Variants in GNG2 observed in about 807,000 individuals in gnomAD.
The protein encoded by GNG2 is G protein subunit gamma 2.
GNG2 carries 5 observed loss-of-function variants against 5.5 expected under a neutral mutation model. That is an observed-to-expected ratio of 0.91 (90% CI 0.48 to 1.92). The LOEUF (loss-of-function observed/expected upper bound fraction) is 1.92, where lower values mean the gene tolerates loss of function less well. Among genes scored for constraint, GNG2 ranks in the 30% most tolerant of loss-of-function variants. GNG2 has a pLI of 0.01. For missense variants in GNG2, 55 were observed against 88.4 expected (o/e 0.62, Z 1.52); for synonymous variants, 28 against 32.0 (o/e 0.88, Z 0.42).
At chr14:51,877,913 T>C (rs1719364594) in intron 2 of GNG2, 3 of 283,436 alleles carry the variant, frequency 1.1e-5, no homozygotes, top group African/African-American at 6.8e-5. Context: ...CCTTTGAGGC[T>C]GCTGTCTTAA....
chr14:51,914,414 A>C lies in GNG2; in HGVS notation c.-29-36236A>C, dbSNP rs17124732. ...ATCTTCTTGAAGGATCCTTGTGCTA[A>C]GGTTCCCAAGGTGCGGGAGGGATTA... is the stretch of plus-strand genomic sequence containing the variant. On this transcript the variant is annotated intron_variant, in intron 2 of 3. Coordinates refer to ENST00000556766, the MANE Select transcript of GNG2 (RefSeq NM_053064.5). 8.6e-3 allele frequency: 5,309 copies of C among 617,890 alleles called. 249 individuals carry two copies. The African/African-American group carries it at 0.089, about 10-fold the overall frequency. The allele number at this position is 617,890 out of a possible 1,614,324, so 38.3% of individuals were successfully genotyped here. A position where few individuals can be genotyped will look rare whatever the true frequency, so the allele number is the denominator to read the frequency against.
intron 2 of GNG2, among the ~76,000 whole-genome samples, chr14:51,831,928 A>T (rs1881203898): frequency 6.6e-6 from 1 of 152,236 alleles, no homozygotes; most frequent in Non-Finnish European, 1.5e-5. Context: ...AAATTTAAAA[A>T]GAGAATTCCT....
At chr14:51,854,712 C>T (rs1442609853) in intron 2 of GNG2, among the ~76,000 whole-genome samples, 1 of 151,758 alleles carries the variant, frequency 6.6e-6, no homozygotes, top group African/African-American at 2.4e-5. Context: ...GGGGTTTTGC[C>T]ATGTTGGCCA....
At chr14:51,931,968 C>T (rs932225161) in intron 2 of GNG2, among the ~76,000 whole-genome samples, 9 of 151,878 alleles carry the variant, frequency 5.9e-5, no homozygotes, top group East Asian at 3.9e-4. Context: ...AAATGTGGGC[C>T]GGGCGCGGTG....
intron 2 of GNG2, among the ~76,000 whole-genome samples, chr14:51,946,731 C>G (rs959146730): frequency 4.6e-5 from 7 of 152,130 alleles, no homozygotes; most frequent in African/African-American, 1.7e-4. Flanking sequence ...TAGCTTCTGG[C>G]CTGTGGAGAT....
intron 2 of GNG2, chr14:51,916,546 C>T (rs918228942): frequency 4.4e-6 from 2 of 449,892 alleles, no homozygotes; most frequent in Admixed American, 2.4e-5. Context: ...TCCAATTAAA[C>T]TTCTCTCCTG....
chr14:51,872,232 C>T (rs1428953296), intron 1 of GNG2, among the ~76,000 whole-genome samples: 1 of 152,172 alleles, frequency 6.6e-6, no homozygotes, highest in Non-Finnish European at 1.5e-5. Context: ...CTGGTTTTCC[C>T]TTCAAACTCT....
intron 2 of GNG2, chr14:51,913,085 G>A (rs1175263086): frequency 6.6e-6 from 1 of 152,236 alleles, no homozygotes. Context: ...GAGAGACAGA[G>A]GGATGGGGAA....
intron 1 of GNG2, among the ~76,000 whole-genome samples, chr14:51,871,662 C>A (rs1360314564): frequency 6.6e-6 from 1 of 152,200 alleles, no homozygotes; most frequent in African/African-American, 2.4e-5. Context: ...ATTGTTATCA[C>A]AAATCTGCAG....
At chr14:51,881,564 T>TA (rs1362102809) in intron 2 of GNG2, among the ~76,000 whole-genome samples, 1 of 152,202 alleles carries the variant, frequency 6.6e-6, no homozygotes, top group Admixed American at 6.5e-5. Flanking sequence ...CCTCATCCCT[T>TA]ACATTTCTGT....
chr14:51,867,474 A>G (rs1475699227), intron 1 of GNG2, among the ~76,000 whole-genome samples: 1 of 152,200 alleles, frequency 6.6e-6, no homozygotes, highest in African/African-American at 2.4e-5. Context: ...TACCTCAGTT[A>G]TGACAATTCA....
intron 2 of GNG2, among the ~76,000 whole-genome samples, chr14:51,896,760 T>C (rs1448835612): frequency 2.0e-5 from 3 of 152,142 alleles, no homozygotes; most frequent in Non-Finnish European, 4.4e-5. Flanking sequence ...ATAAGAAAGA[T>C]AGATGGCCAA....
intron 2 of GNG2, among the ~76,000 whole-genome samples, chr14:51,891,396 ATATGTGTATG>A (rs1884845292): frequency 6.6e-6 from 1 of 152,236 alleles, no homozygotes; most frequent in Non-Finnish European, 1.5e-5. Context: ...TTCTGTGTCT[ATATGTGTATG>A]TATGTGTGTA....
intron 2 of GNG2, among the ~76,000 whole-genome samples, chr14:51,907,975 T>C (rs1472479535): frequency 6.6e-6 from 1 of 152,264 alleles, no homozygotes; most frequent in Admixed American, 6.5e-5. Flanking sequence ...TAGTTATCTA[T>C]AGCTACTTAA....
chr14:51,945,521 G>A (rs1289105623), intron 2 of GNG2, among the ~76,000 whole-genome samples: 4 of 152,114 alleles, frequency 2.6e-5, no homozygotes, highest in African/African-American at 9.7e-5. Context: ...TGGCTGCCAG[G>A]GGTTGAGGGG....
intron 3 of GNG2, among the ~76,000 whole-genome samples, chr14:51,951,072 C>T (rs1888949422): frequency 6.6e-6 from 1 of 152,212 alleles, no homozygotes; most frequent in Non-Finnish European, 1.5e-5. Flanking sequence ...ACTAGTTCCC[C>T]TCCCTGTCCT....
At chr14:51,835,989 G>A (rs1212966657) in intron 2 of GNG2, among the ~76,000 whole-genome samples, 2 of 151,384 alleles carry the variant, frequency 1.3e-5, no homozygotes, top group Non-Finnish European at 2.9e-5. Flanking sequence ...CTATAGACTG[G>A]GTGACTTAAA....
At chr14:51,833,584 A>G (rs958348351) in intron 2 of GNG2, among the ~76,000 whole-genome samples, 2 of 152,270 alleles carry the variant, frequency 1.3e-5, no homozygotes, top group South Asian at 4.1e-4. Context: ...GAGATGCCAG[A>G]TAAAACTTAA....
intron 2 of GNG2, among the ~76,000 whole-genome samples, chr14:51,906,199 C>T (rs1030661926): frequency 6.6e-6 from 1 of 152,258 alleles, no homozygotes; most frequent in Non-Finnish European, 1.5e-5. Context: ...CCACCTGACC[C>T]TCAGGGGCCC....
Sources: gnomAD v4.1 joint callset for allele counts (sites outside exome capture counted in the v4.1 genomes callset) on GRCh38, gnomAD v4.1.1 for gene constraint, MANE v1.5 for transcripts, NCBI Gene and HGNC (gene_info 2026-07-23, HGNC 2026-07-21) for gene names.